Variants in ST14 observed in about 807,000 individuals in gnomAD.
The protein encoded by ST14 is suppressor of tumorigenicity 14 protein.
A neutral mutation model predicts 96.5 loss-of-function variants in ST14; 40 were observed. The ratio of observed to expected loss-of-function variants is 0.41; its 90% CI spans 0.32 to 0.54. The LOEUF is 0.54. Ranked by LOEUF, ST14 falls within the 20% of genes least tolerant of loss-of-function variation. The probability of loss-of-function intolerance (pLI) is 0.17; values close to 1 mark genes in which losing one functional copy is unlikely to be tolerated. For missense variants in ST14, 1,066 were observed against 1,188.9 expected (o/e 0.90, Z 1.52); for synonymous variants, 506 against 492.1 (o/e 1.03, Z -0.37).
intron 1 of ST14, among the ~76,000 whole-genome samples, chr11:130,172,411 CTTT>C (rs1173051845): frequency 2.3e-5 from 2 of 88,286 alleles, no homozygotes; most frequent in Non-Finnish European, 2.1e-5. Context: ...TGGCTGTCTT[CTTT>C]TTTTTTTTTT....
rs754672657 is a variant in ST14, at chr11:130,187,695, CA to C, written c.82-418del. On this transcript the variant is annotated intron_variant, in intron 1 of 18. Coordinates refer to ENST00000278742, the MANE Select transcript of ST14 (RefSeq NM_021978.4). The surrounding 1 kb of genome is among the most constrained non-coding windows in gnomAD (Gnocchi z 4.5). ...CAGGGCCTGCTCCTAGAAGTCTGCA[CA>C]GGGGTACCAGTTGCCAGTCATGGGC... Among the ~76,000 whole-genome samples the C allele has an allele frequency of 6.6e-6, 1 of 152,164 alleles. No individual in the cohort carries two copies. The highest frequency in any genetic ancestry group is 1.5e-5 in the Non-Finnish European group (1 of 68,030).
In ST14 at chr11:130,160,068, C is replaced by T; in HGVS notation, c.81+8C>T. The T allele has an allele frequency of 7.0e-7, 1 of 1,423,578 alleles. No homozygotes were observed. The highest frequency in any genetic ancestry group is 9.3e-7 in the Non-Finnish European group (1 of 1,079,310). The allele number at this position is 1,423,578 out of a possible 1,614,324, so 88.2% of individuals were successfully genotyped here. ...TACAACTCCCGGCACGAGGTGAGCG[C>T]GGGCCGGGGACCCGGGGCGCTGGGA... On this transcript the variant is annotated splice_region_variant and intron_variant, in intron 1 of 18. Coordinates refer to ENST00000278742, the MANE Select transcript of ST14 (RefSeq NM_021978.4).
At chr11:130,177,544 C>G (rs1953152083) in intron 1 of ST14, among the ~76,000 whole-genome samples, 1 of 152,208 alleles carries the variant, frequency 6.6e-6, no homozygotes, top group East Asian at 1.9e-4. Flanking sequence ...GCCTGGGCGA[C>G]AAGAGCGAAA....
In ST14 at chr11:130,198,333, G is replaced by A. The variant is rs1362429152; in HGVS notation, c.1485G>A (p.Thr495=). 22 of 1,614,042 alleles carry A rather than the reference G, an allele frequency of 1.4e-5. No individual in the cohort carries two copies. Among genetic ancestry groups the A allele is most frequent in the Admixed American group, 1.0e-4 (6 of 60,010 alleles). ...NCSCDAGHQF[T]CKNKFCKPLF... ...GTTGCGACGCCGGCCACCAGTTCAC[G>A]TGCAAGAACAAGTTCTGCAAGCCCC... Residue 495 remains threonine, a synonymous_variant, in exon 13 of 19, where the codon ACG becomes ACA. Coordinates refer to ENST00000278742, the MANE Select transcript of ST14 (RefSeq NM_021978.4).
chr11:130,173,762 C>T (rs1363977674), intron 1 of ST14, among the ~76,000 whole-genome samples: 3 of 152,120 alleles, frequency 2.0e-5, no homozygotes, highest in Non-Finnish European at 4.4e-5. Context: ...CACTCTGTCC[C>T]GACCCATGGC....
chr11:130,192,089 G>A (rs543593816), intron 7 of ST14, among the ~76,000 whole-genome samples: 1 of 152,202 alleles, frequency 6.6e-6, no homozygotes, highest in East Asian at 1.9e-4. Flanking sequence ...GGCGTACCTC[G>A]CAGAGGTGCT....
At chr11:130,162,902 G>C (rs1304343520) in intron 1 of ST14, among the ~76,000 whole-genome samples, 1 of 152,118 alleles carries the variant, frequency 6.6e-6, no homozygotes, top group African/African-American at 2.4e-5. Context: ...CAAGACCCGG[G>C]GCCGCCTTGT....
rs928145191 is a variant in ST14, at chr11:130,209,509, C to G, written c.2337C>G (p.Leu779=). 6.3e-7 allele frequency: 1 copy of G among 1,584,356 alleles called. No individual in the cohort carries two copies. Among genetic ancestry groups the G allele is most frequent in the Admixed American group, 1.8e-5 (1 of 55,206 alleles). ...RVINQTTCEN[L]LPQQITPRMM... ...TCAACCAGACCACCTGCGAGAACCT[C>G]CTGCCGCAGCAGATCACGCCGCGCA... Residue 779 remains leucine, a synonymous_variant, in exon 18 of 19, where the codon CTC becomes CTG. Coordinates refer to ENST00000278742, the MANE Select transcript of ST14 (RefSeq NM_021978.4).
At chr11:130,167,870 G>A (rs1953056003) in intron 1 of ST14, among the ~76,000 whole-genome samples, 1 of 152,090 alleles carries the variant, frequency 6.6e-6, no homozygotes, top group South Asian at 2.1e-4. Flanking sequence ...GTGCGCCACT[G>A]CGCCAGGCTA....
rs1953361503 is a variant in ST14, at chr11:130,196,256, A to C, written c.1114-83A>C. ...AAGGCATACCATCTCTCCCTGGTCC[A>C]TGCCGCTGCCTCCCTTTGACGTCCT... On this transcript the variant is annotated intron_variant, in intron 9 of 18. Coordinates refer to ENST00000278742, the MANE Select transcript of ST14 (RefSeq NM_021978.4). 6 of 1,075,218 alleles carry C rather than the reference A, an allele frequency of 5.6e-6. No homozygotes were observed. In the South Asian group the frequency reaches 8.1e-5, roughly 14 times the overall value. The allele number at this position is 1,075,218 out of a possible 1,614,324, so 66.6% of individuals were successfully genotyped here.
At chr11:130,175,536 T>C (rs1446304799) in intron 1 of ST14, among the ~76,000 whole-genome samples, 3 of 128,450 alleles carry the variant, frequency 2.3e-5, no homozygotes, top group Non-Finnish European at 3.3e-5. Flanking sequence ...TGTGCCACCA[T>C]GCCCGGCTAA....
In ST14 at chr11:130,188,999, G is replaced by T. The variant is rs1360874545; in HGVS notation, c.440+60G>T. 2.6e-6 allele frequency: 4 copies of T among 1,542,344 alleles called. No individual in the cohort carries two copies. The highest frequency in any genetic ancestry group is 2.7e-6 in the Non-Finnish European group (3 of 1,131,436). On this transcript the variant is annotated intron_variant, in intron 4 of 18. Transcript: ENST00000278742. The surrounding 1 kb of genome is among the most constrained non-coding windows in gnomAD (Gnocchi z 5.4). ...CCAGACTGGCTGGGAGTAGGATCGG[G>T]GTACAGTGTGTGGGGCAGGAAGCGG...
At chr11:130,194,122 C>A (rs368548976) in intron 7 of ST14, 27 bp from the exon 8 acceptor site, 1 of 1,614,144 alleles carries the variant, frequency 6.2e-7, no homozygotes, top group South Asian at 1.1e-5. Context: ...GTCTGCTCTT[C>A]CTAATGCCCG....
Position 130,190,601 on chromosome 11 carries a change from G to A in ST14, c.782G>A (p.Arg261His), listed in dbSNP as rs560453267. The change falls in exon 7 of 19, where the codon CGC becomes CAC. Residue 261 changes from arginine (R) to histidine (H), a missense_variant. By Grantham distance (29) the Arg-to-His change is conservative (BLOSUM62 0). Coordinates refer to ENST00000278742, the MANE Select transcript of ST14 (RefSeq NM_021978.4). ...DADSVLSLTF[R>H]SFDLASCDER... ...GACTCAGTGCTGAGCCTCACCTTCC[G>A]CAGCTTTGACCTTGCGTCCTGCGAC... is the stretch of plus-strand genomic sequence containing the variant. 121 of 1,613,044 alleles carry A rather than the reference G, an allele frequency of 7.5e-5. 1 individual carries two copies. The South Asian group carries it at 9.7e-4, about 13-fold the overall frequency.
In ST14 at chr11:130,209,811, C is replaced by A; in HGVS notation, c.2556C>A (p.Asn852Lys). Residue 852 changes from asparagine to lysine, a missense_variant, in exon 19 of 19, where the codon AAC (asparagine) becomes AAA (lysine). Asn to Lys is a moderately conservative substitution (Grantham distance 94, BLOSUM62 0). Coordinates refer to ENST00000278742, the MANE Select transcript of ST14 (RefSeq NM_021978.4). ...TGTTTCGGGACTGGATCAAAGAGAA[C>A]ACTGGGGTATAGGGGCCGGGGCCAC... ...LPLFRDWIKE[N>K]TGV 1.2e-6 allele frequency: 2 copies of A among 1,613,978 alleles called. No homozygotes were observed. The highest frequency in any genetic ancestry group is 1.7e-6 in the Non-Finnish European group (2 of 1,180,016).
At position 130,189,810 on chromosome 11, in the gene ST14, G is replaced by A. The variant is rs148221080; in HGVS notation, c.512G>A (p.Arg171His). ...IPQHLVEEAE[R>H]VMAEERVVML... is the part of the protein sequence containing the mutation. Reference sequence around the variant, plus strand: ...CAGCACCTGGTGGAGGAGGCCGAGCGCGTCATGGCCGAGGAGCGCGTAGTC... The same window carrying A: ...CAGCACCTGGTGGAGGAGGCCGAGCACGTCATGGCCGAGGAGCGCGTAGTC... The change falls in exon 5 of 19, where the codon CGC becomes CAC. Residue 171 changes from arginine to histidine, a missense_variant. Coordinates refer to ENST00000278742, the MANE Select transcript of ST14 (RefSeq NM_021978.4). 1,194 of 1,613,912 alleles carry A rather than the reference G, an allele frequency of 7.4e-4. 4 individuals carry two copies. The highest frequency in any genetic ancestry group is 4.0e-3 in the Admixed American group (241 of 60,028).
rs754635948 is a variant in ST14 at position 130,190,163 on chromosome 11, C to A, written c.634+15C>A. The A allele has an allele frequency of 1.2e-6, 2 of 1,614,190 alleles. No homozygotes were observed. The highest frequency in any genetic ancestry group is 4.5e-5 in the East Asian group (2 of 44,878). On this transcript the variant is annotated intron_variant, in intron 6 of 18. Transcript: ENST00000278742. ...GACCCAGGACAGTAAGTATCGTGCC[C>A]GCCTCCTCTTCTGGGTGGGGAAGAG...
chr11:130,198,535 C>G lies in ST14; in HGVS notation c.1598C>G (p.Ser533Cys). Residue 533 changes from serine (S) to cysteine (C), a missense_variant, in exon 14 of 19, where the codon TCC becomes TGC. Transcript: ENST00000278742. ...CSCPAQTFRCSNGKCLSKSQQ... is the reference protein window; with the variant it reads ...CSCPAQTFRCCNGKCLSKSQQ... ...TGTCCGGCCCAGACCTTCAGGTGTTCCAATGGGAAGTGCCTCTCGAAAAGC... is the reference window on the plus strand; with the variant it reads ...TGTCCGGCCCAGACCTTCAGGTGTTGCAATGGGAAGTGCCTCTCGAAAAGC... The G allele has an allele frequency of 1.2e-6, 2 of 1,614,022 alleles. No individual in the cohort carries two copies. Among genetic ancestry groups the G allele is most frequent in the Non-Finnish European group, 1.7e-6 (2 of 1,180,018 alleles).
chr11:130,178,550 C>T (rs1024058928), intron 1 of ST14, among the ~76,000 whole-genome samples: 2 of 152,136 alleles, frequency 1.3e-5, no homozygotes, highest in African/African-American at 4.8e-5. Flanking sequence ...TGGCAGAGAA[C>T]CGCTGGGTTT....
Sources: gnomAD v4.1 joint callset for allele counts (sites outside exome capture counted in the v4.1 genomes callset) on GRCh38, gnomAD v4.1.1 for gene constraint, Gnocchi (gnomAD v3.1) non-coding constraint, MANE v1.5 for transcripts, NCBI Gene and HGNC (gene_info 2026-07-23, HGNC 2026-07-21) for gene names.